Variants in MTRR observed in about 807,000 individuals in gnomAD.
MTRR encodes methionine synthase reductase.
In MTRR, 63 loss-of-function variants were observed where a neutral mutation model predicts 79.2. That is an observed-to-expected ratio of 0.80 (90% CI 0.65 to 0.98). The LOEUF (loss-of-function observed/expected upper bound fraction) is 0.98. MTRR is among the 50% of genes least tolerant of loss of function. The pLI, the probability that MTRR is intolerant of heterozygous loss-of-function variation, is 0.00. For missense variants in MTRR, 895 were observed against 839.6 expected, an observed-to-expected ratio of 1.07 and a Z score of -0.82; for synonymous variants, 355 against 313.3, an observed-to-expected ratio of 1.13 and a Z score of -1.41.
rs375908206 is a variant in MTRR at position 7,878,308 on chromosome 5, G to T, written c.766G>T (p.Glu256Ter). Residue 256 changes from glutamate (E) to a stop codon, truncating the protein, a stop_gained, in exon 5 of 15, where the codon GAG (glutamate) becomes TAG (stop). Coordinates refer to ENST00000440940, the MANE Select transcript of MTRR (RefSeq NM_002454.3). LOFTEE classifies it high-confidence loss of function. ...PPEYLQVHLQ[E>*]SLGQEESQVS... Reference sequence around the variant, plus strand: ...AGAATATTTACAGGTACATCTGCAGGAGTCTCTTGGCCAGGTAAGGAAGTT... The same window carrying T: ...AGAATATTTACAGGTACATCTGCAGTAGTCTCTTGGCCAGGTAAGGAAGTT... 44 of 1,614,068 alleles carry T rather than the reference G, an allele frequency of 2.7e-5. No homozygotes were observed. Among genetic ancestry groups the T allele is most frequent in the Non-Finnish European group, 3.7e-5 (44 of 1,180,038 alleles).
At chr5:7,868,004 T>A (rs761798590), upstream of MTRR, 3 of 1,614,116 alleles carry the variant, frequency 1.9e-6, no homozygotes, top group Admixed American at 3.3e-5. Flanking sequence ...TAGAGGTTTA[T>A]TTTTTAAAGC....
At chr5:7,879,462 C>CAAAAAAAAAAAAAAAAAAAAAAAAAAA (rs35558077) in intron 5 of MTRR, among the ~76,000 whole-genome samples, 1 of 88,576 alleles carries the variant, frequency 1.1e-5, no homozygotes, top group Non-Finnish European at 2.2e-5. Context: ...GACTCCGTCT[C>CAAAAAAAAAAAAAAAAAAAAAAAAAAA]AAAAAAAAAA....
rs891601999 is a variant in MTRR at position 7,869,534 on chromosome 5, G to A, written c.-26+319G>A. The A allele has an allele frequency of 6.7e-5, 23 of 340,856 alleles. 1 individual carries two copies. Among genetic ancestry groups the A allele is most frequent in the Non-Finnish European group, 1.2e-4 (21 of 179,944 alleles). 21.1% of individuals were successfully genotyped at this position (340,856 alleles called of 1,614,324 possible). On this transcript the variant is annotated intron_variant, in intron 1 of 14. Coordinates refer to ENST00000440940, the MANE Select transcript of MTRR (RefSeq NM_002454.3). ...CCAGGCCTAGGGAAACCGCACTCGG[G>A]GACGCGGGGAACTGGGGAACATGCC...
Position 7,873,453 on chromosome 5 carries a change from C to T in MTRR, c.210C>T (p.Arg70=), listed in dbSNP as rs41282641. Residue 70 remains arginine, a synonymous_variant, in exon 3 of 15, where the codon CGC becomes CGT. Transcript: ENST00000440940. ...CCGGAGACCCACCCGACACAGCCCG[C>T]AAGTTTGTTAAGGAAATACAGAACC... The part of the protein sequence containing the change: ...TGTGDPPDTA[R]KFVKEIQNQT... 1 of 1,614,146 alleles carries T rather than the reference C, an allele frequency of 6.2e-7. No homozygotes were observed. Among genetic ancestry groups the T allele is most frequent in the Admixed American group, 1.7e-5 (1 of 60,028 alleles).
At chr5:7,852,847 G>T (rs1359726240) in intron 1 of MTRR, among the ~76,000 whole-genome samples, 1 of 151,970 alleles carries the variant, frequency 6.6e-6, no homozygotes, top group South Asian at 2.1e-4. Context: ...TGTAAGCTTT[G>T]CATTGGTGAC....
chr5:7,861,101 G>T, intron 1 of MTRR: 1 of 1,100,118 alleles, frequency 9.1e-7, no homozygotes, highest in South Asian at 1.5e-5. Flanking sequence ...AAATAATTTT[G>T]AAATAGGATT....
chr5:7,890,641 A>T (rs952659664), intron 9 of MTRR, among the ~76,000 whole-genome samples: 8 of 152,192 alleles, frequency 5.3e-5, no homozygotes, highest in Admixed American at 2.0e-4. Context: ...TGAACACCCT[A>T]CTAAACCTTA....
At chr5:7,876,324 A>G (rs927405690) in intron 4 of MTRR, among the ~76,000 whole-genome samples, 1 of 152,038 alleles carries the variant, frequency 6.6e-6, no homozygotes, top group Non-Finnish European at 1.5e-5. Context: ...GTACCTTTAT[A>G]TTGAGCTTTT....
chr5:7,877,849 A>G (rs903439418), intron 4 of MTRR, 95 bp from the exon 5 acceptor site: 2 of 1,550,060 alleles, frequency 1.3e-6, no homozygotes, highest in Non-Finnish European at 1.8e-6. Context: ...ACAAGTGCAT[A>G]CTTTGCCAAA....
chr5:7,878,652 A>G (rs559168341), intron 5 of MTRR, among the ~76,000 whole-genome samples: 17 of 152,400 alleles, frequency 1.1e-4, no homozygotes, highest in African/African-American at 3.8e-4. Flanking sequence ...CTGTATTTGA[A>G]GAAGTAGATA....
upstream of MTRR, chr5:7,866,715 G>C: frequency 6.2e-7 from 1 of 1,612,844 alleles, no homozygotes; most frequent in Non-Finnish European, 8.5e-7. Flanking sequence ...CATTCATTAA[G>C]TGAACATGAA....
chr5:7,851,201 G>C, exon 1 of MTRR: 2 of 638,826 alleles, frequency 3.1e-6, no homozygotes, highest in South Asian at 8.4e-5. Flanking sequence ...TCCCGCTCCA[G>C]GGTGGAGCGA....
At chr5:7,855,249 A>G (rs532628641) in intron 1 of MTRR, among the ~76,000 whole-genome samples, 9 of 152,190 alleles carry the variant, frequency 5.9e-5, no homozygotes, top group Non-Finnish European at 4.4e-5. Context: ...AATTTAGAAT[A>G]TAGACTACAC....
chr5:7,866,559 C>T (rs574981120), upstream of MTRR: 1 of 986,168 alleles, frequency 1.0e-6, no homozygotes, highest in South Asian at 1.6e-5. Context: ...AAACTAAAGG[C>T]AACATATTGC....
intron 12 of MTRR, 85 bp from the exon 13 acceptor site, chr5:7,896,779 T>C (rs1409242487): frequency 9.7e-7 from 1 of 1,036,242 alleles, no homozygotes; most frequent in East Asian, 2.4e-5. Context: ...TCCGTCTGAG[T>C]TTGTTGGTGG....
chr5:7,896,787 T>TA, intron 12 of MTRR, 77 bp from the exon 13 acceptor site: 1 of 1,099,968 alleles, frequency 9.1e-7, no homozygotes, highest in Non-Finnish European at 1.4e-6. Flanking sequence ...AGTTTGTTGG[T>TA]GGTAGTTCCT....
At chr5:7,869,439 C>T (rs1747472403) in intron 1 of MTRR, 2 of 570,186 alleles carry the variant, frequency 3.5e-6, no homozygotes, top group East Asian at 2.9e-5. Flanking sequence ...CGGCGTCGGC[C>T]TCTGCCGCGG....
At chr5:7,866,298 A>G (rs1299716371), upstream of MTRR, among the ~76,000 whole-genome samples, 1 of 137,276 alleles carries the variant, frequency 7.3e-6, no homozygotes, top group African/African-American at 2.6e-5. Context: ...ATTAAGATGA[A>G]TAATACCATC....
At chr5:7,855,111 C>T (rs1313687453) in intron 1 of MTRR, among the ~76,000 whole-genome samples, 1 of 152,088 alleles carries the variant, frequency 6.6e-6, no homozygotes, top group Non-Finnish European at 1.5e-5. Context: ...ATGAAAACTA[C>T]GTGAGAAAGA....
Sources: gnomAD v4.1 joint callset for allele counts (sites outside exome capture counted in the v4.1 genomes callset) on GRCh38, gnomAD v4.1.1 for gene constraint, MANE v1.5 for transcripts, NCBI Gene and HGNC (gene_info 2026-07-23, HGNC 2026-07-21) for gene names.